The following ARID4A variants were observed in gnomAD, a reference collection of about 807,000 sequenced individuals.
The protein encoded by ARID4A is AT-rich interactive domain-containing protein 4A.
In ARID4A, 39 loss-of-function variants were observed where a neutral mutation model predicts 148.6. That is an observed-to-expected ratio of 0.26 (90% CI 0.20 to 0.34). The LOEUF (loss-of-function observed/expected upper bound fraction) is 0.34. Ranked by LOEUF, ARID4A falls within the 10% of genes least tolerant of loss-of-function variation. The pLI is 1.00. For missense variants in ARID4A, 1,265 were observed against 1,449.1 expected, an observed-to-expected ratio of 0.87 and a Z score of 2.06; for synonymous variants, 475 against 481.2, an observed-to-expected ratio of 0.99 and a Z score of 0.17.
chr14:58,300,922 G>A lies in ARID4A; in HGVS notation c.7-658G>A, dbSNP rs575307178. Among the ~76,000 whole-genome samples, 9 of 151,982 alleles carry A rather than the reference G, an allele frequency of 5.9e-5. No homozygotes were observed. The East Asian group carries it at 1.4e-3, about 23-fold the overall frequency. On this transcript the variant is annotated intron_variant, in intron 2 of 23. Coordinates refer to ENST00000355431, the MANE Select transcript of ARID4A (RefSeq NM_002892.4). ...CATCTTTCTATGTATCATTCTGGTCGTGTCCATTTGCTGAAAGTAGATGTT... is the reference window on the plus strand; with the variant it reads ...CATCTTTCTATGTATCATTCTGGTCATGTCCATTTGCTGAAAGTAGATGTT...
chr14:58,354,391 G>T lies in ARID4A; in HGVS notation c.1853+536G>T, dbSNP rs2140248416. On this transcript the variant is annotated intron_variant, in intron 17 of 23. Transcript: ENST00000355431. Reference sequence around the variant, plus strand: ...CTTCCGTTAGATGATTTTGGGGAGGGTTTAAGAAAGGCAGGGCATGGGGGC... The same window carrying T: ...CTTCCGTTAGATGATTTTGGGGAGGTTTTAAGAAAGGCAGGGCATGGGGGC... Among the ~76,000 whole-genome samples the T allele has an allele frequency of 1.3e-5, 2 of 152,234 alleles. 1 individual carries two copies. The highest frequency in any genetic ancestry group is 4.1e-4 in the South Asian group (2 of 4,828).
At chr14:58,333,653 T>TA (rs1158660964) in intron 11 of ARID4A, among the ~76,000 whole-genome samples, 2 of 152,104 alleles carry the variant, frequency 1.3e-5, no homozygotes, top group African/African-American at 4.8e-5. Flanking sequence ...TCCAGTATTG[T>TA]AAAAAATCAT....
chr14:58,365,620 C>G lies in ARID4A; in HGVS notation c.3314C>G (p.Thr1105Arg). ...SAAAKNEKNGTGQSSDSEDLP... is the reference protein window; with the variant it reads ...SAAAKNEKNGRGQSSDSEDLP... ...GCAGCCAAAAATGAAAAGAATGGAA[C>G]AGGTTGGTGTCTTTCAATGCTAGCT... Residue 1105 changes from threonine to arginine, a missense_variant and splice_region_variant, in exon 21 of 24, where the codon ACA (threonine) becomes AGA (arginine). Thr to Arg is a moderately conservative substitution (Grantham distance 71). Transcript: ENST00000355431. 1 of 1,612,218 alleles carries G rather than the reference C, an allele frequency of 6.2e-7. No homozygotes were observed. The highest frequency in any genetic ancestry group is 8.5e-7 in the Non-Finnish European group (1 of 1,179,012).
chr14:58,365,941 G>T, intron 21 of ARID4A, 83 bp from the exon 22 acceptor site: 1 of 1,176,844 alleles, frequency 8.5e-7, no homozygotes, highest in Non-Finnish European at 1.2e-6. Context: ...AGGATACCAA[G>T]AAATGTAATT....
chr14:58,319,206 T>G lies in ARID4A; in HGVS notation c.449+401T>G, dbSNP rs1594888661. Among the ~76,000 whole-genome samples, 4 of 150,374 alleles carry G rather than the reference T, an allele frequency of 2.7e-5. No homozygotes were observed. In the Admixed American group the frequency reaches 2.7e-4, roughly 10 times the overall value. On this transcript the variant is annotated intron_variant, in intron 7 of 23. Transcript: ENST00000355431. ...TCCTGAGAAGCTGGGACTACAGGCATGTGCCACCACACCCAGCTAATTTTT... is the reference window on the plus strand; with the variant it reads ...TCCTGAGAAGCTGGGACTACAGGCAGGTGCCACCACACCCAGCTAATTTTT...
chr14:58,320,309 C>G (rs1272587894), intron 7 of ARID4A, among the ~76,000 whole-genome samples: 4 of 152,048 alleles, frequency 2.6e-5, no homozygotes, highest in African/African-American at 9.7e-5. Context: ...GAGGAAGTGG[C>G]AAGCATCATG....
intron 11 of ARID4A, among the ~76,000 whole-genome samples, chr14:58,338,979 T>G (rs2033972108): frequency 7.3e-6 from 1 of 137,428 alleles, no homozygotes; most frequent in South Asian, 2.3e-4. Context: ...TTTTTTTTTT[T>G]TTTTGGAGAC....
intron 2 of ARID4A, 30 bp from the exon 3 acceptor site, chr14:58,301,550 A>G: frequency 1.3e-6 from 2 of 1,519,748 alleles, no homozygotes; most frequent in Non-Finnish European, 1.8e-6. Flanking sequence ...CATAGTAATG[A>G]CATTCACAGT....
chr14:58,336,562 G>GACA (rs60215661), intron 11 of ARID4A, among the ~76,000 whole-genome samples: 106,930 of 151,652 alleles, frequency 0.71, 38,019 homozygotes, highest in Middle Eastern at 0.86. Flanking sequence ...AAGGTGTTGT[G>GACA]ACAAAATATA....
chr14:58,347,278 G>A (rs548566939), intron 14 of ARID4A, among the ~76,000 whole-genome samples, 161 bp downstream of exon 14: 14 of 152,174 alleles, frequency 9.2e-5, no homozygotes, highest in East Asian at 1.9e-4. Flanking sequence ...TTATTTCAGC[G>A]CATCTAATCT....
intron 9 of ARID4A, 44 bp downstream of exon 9, chr14:58,328,360 A>T: frequency 1.5e-6 from 2 of 1,305,236 alleles, no homozygotes; most frequent in Non-Finnish European, 2.2e-6. Flanking sequence ...GAGGAAAAAA[A>T]AAATAGAATT....
rs1327551612 is a variant in ARID4A at position 58,318,627 on chromosome 14, GTGACACGGA to G, written c.354+9_354+17del. 6.2e-7 allele frequency: 1 copy of G among 1,614,146 alleles called. No individual in the cohort carries two copies. The highest frequency in any genetic ancestry group is 1.7e-5 in the Admixed American group (1 of 60,024). ...GACATTTTGCAGAGAGTGAGGTAGG[GTGACACGGA>G]TGGACGATTTGGATTGAACTACAGG... On this transcript the variant is annotated splice_region_variant and intron_variant, in intron 6 of 23. Coordinates refer to ENST00000355431, the MANE Select transcript of ARID4A (RefSeq NM_002892.4).
At chr14:58,359,754 G>A (rs751166703) in intron 18 of ARID4A, among the ~76,000 whole-genome samples, 1 of 152,096 alleles carries the variant, frequency 6.6e-6, no homozygotes, top group African/African-American at 2.4e-5. Flanking sequence ...TATTGTGTTT[G>A]TTTAATAAAT....
chr14:58,339,074 C>T (rs2033978721), intron 11 of ARID4A, among the ~76,000 whole-genome samples: 1 of 150,642 alleles, frequency 6.6e-6, no homozygotes, highest in South Asian at 2.1e-4. Context: ...AAGCCATCCT[C>T]CCACCTTAGC....
In ARID4A at chr14:58,347,006, A is replaced by ACTTAAT. The variant is rs2034407862; in HGVS notation, c.1075-13_1075-8dup. The ACTTAAT allele has an allele frequency of 8.0e-7, 1 of 1,256,158 alleles. No individual in the cohort carries two copies. Among genetic ancestry groups the ACTTAAT allele is most frequent in the Non-Finnish European group, 1.1e-6 (1 of 925,944 alleles). The allele number at this position is 1,256,158 out of a possible 1,614,324, so 77.8% of individuals were successfully genotyped here. A position where few individuals can be genotyped will look rare whatever the true frequency, so the allele number is the denominator to read the frequency against. On this transcript the variant is annotated splice_polypyrimidine_tract_variant and intron_variant, in intron 13 of 23. Coordinates refer to ENST00000355431, the MANE Select transcript of ARID4A (RefSeq NM_002892.4). The stretch of plus-strand genomic sequence containing the variant: ...TCCCTTTGCAAATGTTAACATAAAA[A>ACTTAAT]CTTAATTTTCCAGATTGATAGTGGT...
At chr14:58,339,556 C>CTA (rs2034003540) in intron 11 of ARID4A, among the ~76,000 whole-genome samples, 1 of 152,082 alleles carries the variant, frequency 6.6e-6, no homozygotes, top group Non-Finnish European at 1.5e-5. Flanking sequence ...AATTTGGACA[C>CTA]TATCTGTCCA....
rs746366518 is a variant in ARID4A, at chr14:58,359,128, TA to T, written c.1854-2del. ...AACTCTTTTTTTTTTTTTTTTTTTTTAAGGTATGATGAGTGGGTGAAGGCTG... is the reference window on the plus strand; with the variant it reads ...AACTCTTTTTTTTTTTTTTTTTTTTTAGGTATGATGAGTGGGTGAAGGCTG... On this transcript the variant is annotated splice_region_variant and splice_polypyrimidine_tract_variant and intron_variant, in intron 17 of 23. Transcript: ENST00000355431. The T allele has an allele frequency of 8.4e-6, 13 of 1,551,436 alleles. No homozygotes were observed. Among genetic ancestry groups the T allele is most frequent in the South Asian group, 7.3e-5 (6 of 81,894 alleles).
At chr14:58,359,384 T>A (rs1409557579) in intron 18 of ARID4A, among the ~76,000 whole-genome samples, 168 bp downstream of exon 18, 2 of 152,120 alleles carry the variant, frequency 1.3e-5, no homozygotes, top group African/African-American at 2.4e-5. Context: ...CCTTCCCAGA[T>A]TGTCAACATC....
chr14:58,367,390 A>C (rs1406945288), intron 23 of ARID4A, among the ~76,000 whole-genome samples: 1 of 152,232 alleles, frequency 6.6e-6, no homozygotes, highest in Admixed American at 6.5e-5. Context: ...GCTTATTCTC[A>C]AGGAGATTAT....
Sources: gnomAD v4.1 joint callset for allele counts (sites outside exome capture counted in the v4.1 genomes callset) on GRCh38, gnomAD v4.1.1 for gene constraint, MANE v1.5 for transcripts, NCBI Gene and HGNC (gene_info 2026-07-23, HGNC 2026-07-21) for gene names.